The following PCDHA11 variants were observed in gnomAD, a reference collection of about 807,000 sequenced individuals.
PCDHA11 encodes protocadherin alpha 11.
PCDHA11 carries 61 observed loss-of-function variants against 70.3 expected under a neutral mutation model. The ratio of observed to expected loss-of-function variants is 0.87; its 90% CI spans 0.71 to 1.07. PCDHA11 has a LOEUF of 1.07. Among genes scored for constraint, PCDHA11 ranks in the 50% least tolerant of loss-of-function variants. The pLI is 0.00. For synonymous variants in PCDHA11, 633 were observed against 555.1 expected (o/e 1.14, Z -1.97); for missense variants, 1,324 against 1,237.5 (o/e 1.07, Z -1.05).
intron 1 of PCDHA11, chr5:140,927,708 A>G: frequency 6.2e-7 from 1 of 1,614,202 alleles, no homozygotes; most frequent in Non-Finnish European, 8.5e-7. Context: ...AGTACTCCCT[A>G]AGCAACAGCA....
At chr5:140,908,958 T>C (rs555962129) in intron 1 of PCDHA11, among the ~76,000 whole-genome samples, 2 of 152,268 alleles carry the variant, frequency 1.3e-5, no homozygotes, top group East Asian at 3.9e-4. Context: ...AGAAGGAATA[T>C]CTTGATAGGC....
At chr5:140,883,296 TA>T (rs1389927639) in intron 1 of PCDHA11, 1 of 1,613,994 alleles carries the variant, frequency 6.2e-7, no homozygotes, top group African/African-American at 1.3e-5. Flanking sequence ...GTACTAGATG[TA>T]AATGATAACG....
chr5:140,909,620 A>C (rs576090849), intron 1 of PCDHA11, among the ~76,000 whole-genome samples: 1 of 152,122 alleles, frequency 6.6e-6, no homozygotes. Flanking sequence ...GGCAGCTCTA[A>C]TTGGTCTTCC....
intron 1 of PCDHA11, chr5:140,927,330 G>A (rs2084093036): frequency 6.2e-7 from 1 of 1,614,140 alleles, no homozygotes; most frequent in Non-Finnish European, 8.5e-7. Flanking sequence ...TTACTCTCCC[G>A]AATGCCCAAG....
chr5:140,995,794 CAT>C (rs1407600046), intron 3 of PCDHA11, among the ~76,000 whole-genome samples: 65 of 152,208 alleles, frequency 4.3e-4, no homozygotes, highest in African/African-American at 1.5e-3. Flanking sequence ...AAATTTGTCT[CAT>C]GTTAGTTTCT....
intron 1 of PCDHA11, among the ~76,000 whole-genome samples, chr5:140,931,837 G>A (rs1422066331): frequency 6.6e-6 from 1 of 151,798 alleles, no homozygotes; most frequent in Non-Finnish European, 1.5e-5. Flanking sequence ...TATCCTGAAT[G>A]CCTTAATAAC....
intron 1 of PCDHA11, among the ~76,000 whole-genome samples, chr5:140,931,876 T>G (rs533517349): frequency 1.3e-5 from 2 of 152,112 alleles, no homozygotes; most frequent in South Asian, 4.1e-4. Context: ...AAATATTTAT[T>G]GCTTTCATTT....
intron 1 of PCDHA11, among the ~76,000 whole-genome samples, chr5:140,973,003 C>T (rs1417207719): frequency 4.0e-5 from 6 of 151,856 alleles, no homozygotes; most frequent in African/African-American, 7.3e-5. Flanking sequence ...CATTTGTGGT[C>T]GTGGTGTTGT....
chr5:140,983,239 C>CCTGCTAAGTTGTGTAAAAAA (rs1261909895), intron 3 of PCDHA11, among the ~76,000 whole-genome samples: 1 of 152,176 alleles, frequency 6.6e-6, no homozygotes, highest in Non-Finnish European at 1.5e-5. Flanking sequence ...GGAAAGAGAA[C>CCTGCTAAGTTGTGTAAAAAA]CTGCTAAGTT....
intron 1 of PCDHA11, among the ~76,000 whole-genome samples, chr5:140,905,531 C>T (rs2071895291): frequency 6.6e-6 from 1 of 151,776 alleles, no homozygotes; most frequent in African/African-American, 2.4e-5. Context: ...TTTTTTGGTT[C>T]CATATGAACT....
intron 3 of PCDHA11, among the ~76,000 whole-genome samples, chr5:140,984,534 G>C (rs1261585417): frequency 6.6e-6 from 1 of 152,136 alleles, no homozygotes; most frequent in Non-Finnish European, 1.5e-5. Context: ...TTCATGGACT[G>C]TGCTGGATAG....
At chr5:140,875,039 A>G (rs1443862423) in intron 1 of PCDHA11, among the ~76,000 whole-genome samples, 1 of 152,230 alleles carries the variant, frequency 6.6e-6, no homozygotes, top group East Asian at 1.9e-4. Context: ...TATTTGAAAG[A>G]TTTCTACTTT....
chr5:140,882,705 G>T, intron 1 of PCDHA11: 1 of 1,614,172 alleles, frequency 6.2e-7, no homozygotes, highest in South Asian at 1.1e-5. Flanking sequence ...GCAGAATCTA[G>T]ACCTCCGGAA....
intron 1 of PCDHA11, among the ~76,000 whole-genome samples, chr5:140,921,323 G>C (rs192159885): frequency 7.2e-4 from 109 of 151,970 alleles, no homozygotes; most frequent in African/African-American, 2.6e-3. Context: ...GAGCTAATCT[G>C]TCTGGTCCAA....
chr5:140,899,653 T>C (rs1478658505), intron 1 of PCDHA11, among the ~76,000 whole-genome samples: 1 of 152,220 alleles, frequency 6.6e-6, no homozygotes, highest in African/African-American at 2.4e-5. Context: ...TATTTGGTTG[T>C]GTCTCTGCCC....
intron 1 of PCDHA11, chr5:140,875,630 G>A: frequency 6.2e-7 from 1 of 1,613,686 alleles, no homozygotes. Context: ...CAGGACCTGG[G>A]GCTGGAGCTG....
In PCDHA11 at chr5:140,898,801, A is replaced by T. The variant is rs1275933236; in HGVS notation, c.2391+27307A>T. The stretch of plus-strand genomic sequence containing the variant: ...TGGGCAGTATGGCCATTTTCACGAT[A>T]CTGATTCTTCCTACCCATGAGCATG... On this transcript the variant is annotated intron_variant, in intron 1 of 3. Coordinates refer to ENST00000398640, the MANE Select transcript of PCDHA11 (RefSeq NM_018902.5). Among the ~76,000 whole-genome samples the T allele has an allele frequency of 1.3e-5, 2 of 152,200 alleles. 1 individual carries two copies. The highest frequency in any genetic ancestry group is 3.8e-4 in the East Asian group (2 of 5,198).
chr5:140,927,340 G>C, intron 1 of PCDHA11: 1 of 1,614,030 alleles, frequency 6.2e-7, no homozygotes, highest in Non-Finnish European at 8.5e-7. Flanking sequence ...GAATGCCCAA[G>C]ATGACGACGA....
rs1383347742 is a variant in PCDHA11, at chr5:140,943,271, AAAAAAAG to A, written c.2392-35674_2392-35668del. ...AGACTCTGTCTCAAAAAAAAAAAAA[AAAAAAAG>A]AAAGAAAGAATTAAATTTTGGGAAG... On this transcript the variant is annotated intron_variant, in intron 1 of 3. Transcript: ENST00000398640. Among the ~76,000 whole-genome samples, 73 of 150,734 alleles carry A rather than the reference AAAAAAAG, an allele frequency of 4.8e-4. 1 individual carries two copies. The highest frequency in any genetic ancestry group is 1.6e-3 in the African/African-American group (65 of 40,848).
Sources: allele counts gnomAD v4.1 joint callset (sites outside exome capture counted in the v4.1 genomes callset), GRCh38; gene constraint gnomAD v4.1.1; transcripts MANE v1.5; gene names NCBI Gene and HGNC (gene_info 2026-07-23, HGNC 2026-07-21).